DLGAP1: variants seen among roughly 807,000 people sequenced by gnomAD.
DLGAP1 encodes the protein disks large-associated protein 1.
DLGAP1 carries 11 observed loss-of-function variants against 90.8 expected under a neutral mutation model. That is an observed-to-expected ratio of 0.12 (90% CI 0.08 to 0.20). The LOEUF is 0.20. Among genes scored for constraint, DLGAP1 ranks in the 10% least tolerant of loss-of-function variants. The pLI is 1.00. For synonymous variants in DLGAP1, 558 were observed against 540.7 expected (o/e 1.03, Z -0.44); for missense variants, 1,050 against 1,333.8 (o/e 0.79, Z 3.31).
chr18:4,190,370 G>T (rs535414960), intron 1 of DLGAP1, among the ~76,000 whole-genome samples: 1 of 152,164 alleles, frequency 6.6e-6, no homozygotes, highest in Admixed American at 6.6e-5. Flanking sequence ...AGGTTCAGGG[G>T]AAAGGATAAA....
At chr18:4,062,403 T>C (rs1471298613) in intron 2 of DLGAP1, among the ~76,000 whole-genome samples, 1 of 152,150 alleles carries the variant, frequency 6.6e-6, no homozygotes, top group African/African-American at 2.4e-5. Context: ...GTGTACAGGG[T>C]ACCTGATTTG....
intron 1 of DLGAP1, among the ~76,000 whole-genome samples, chr18:4,333,145 C>G (rs1203090334): frequency 6.6e-6 from 1 of 151,972 alleles, no homozygotes; most frequent in African/African-American, 2.4e-5. Context: ...GCTCACGATT[C>G]TGCTGAGCAG....
intron 1 of DLGAP1, among the ~76,000 whole-genome samples, chr18:4,168,679 T>C (rs2076974159): frequency 6.6e-6 from 1 of 152,198 alleles, no homozygotes; most frequent in African/African-American, 2.4e-5. Context: ...TTTATTTCAC[T>C]CAGAACAATG....
At chr18:4,004,133 G>A (rs748925502) in intron 3 of DLGAP1, among the ~76,000 whole-genome samples, 20 of 152,094 alleles carry the variant, frequency 1.3e-4, no homozygotes, top group Admixed American at 2.0e-4. Context: ...AAATGTTGTC[G>A]TTTTGACTTC....
At chr18:3,900,172 A>T (rs2071750264) in intron 3 of DLGAP1, among the ~76,000 whole-genome samples, 3 of 152,184 alleles carry the variant, frequency 2.0e-5, no homozygotes, top group African/African-American at 7.2e-5. Flanking sequence ...TGTACTCTGT[A>T]CCCCAAAGCT....
intron 9 of DLGAP1, among the ~76,000 whole-genome samples, chr18:3,558,386 T>C (rs959396165): frequency 2.0e-5 from 3 of 151,992 alleles, no homozygotes; most frequent in African/African-American, 7.2e-5. Flanking sequence ...GCACGTGCTA[T>C]AACACCCGGC....
At chr18:3,627,445 T>A (rs924686065) in intron 7 of DLGAP1, among the ~76,000 whole-genome samples, 2 of 150,212 alleles carry the variant, frequency 1.3e-5, no homozygotes, top group Non-Finnish European at 3.0e-5. Context: ...TAGAGGAATG[T>A]TAGGCATATA....
At chr18:3,799,540 T>G (rs1428852409) in intron 5 of DLGAP1, among the ~76,000 whole-genome samples, 2 of 151,824 alleles carry the variant, frequency 1.3e-5, no homozygotes, top group Non-Finnish European at 2.9e-5. Context: ...AAAACATTGT[T>G]AATATTTTAA....
intron 3 of DLGAP1, among the ~76,000 whole-genome samples, chr18:3,936,140 C>A (rs1252193063): frequency 6.6e-6 from 1 of 152,158 alleles, no homozygotes; most frequent in Non-Finnish European, 1.5e-5. Flanking sequence ...CCACATCAGC[C>A]TCCTACTACT....
chr18:3,823,506 G>T (rs1180797792), intron 4 of DLGAP1, among the ~76,000 whole-genome samples: 1 of 152,178 alleles, frequency 6.6e-6, no homozygotes, highest in African/African-American at 2.4e-5. Flanking sequence ...CAGCTTGTCA[G>T]AATTGAAAGA....
At position 4,254,001 on chromosome 18, in the gene DLGAP1, C is replaced by T. The variant is rs551994035; in HGVS notation, c.-266-102714G>A. ...CCCATTCCTTTCTGAAATTTTCATGCTTCAGTGAAGTGTTTCCACCCCTTC... is the reference window on the plus strand; with the variant it reads ...CCCATTCCTTTCTGAAATTTTCATGTTTCAGTGAAGTGTTTCCACCCCTTC... On this transcript the variant is annotated intron_variant, in intron 1 of 12. Coordinates refer to ENST00000315677, the MANE Select transcript of DLGAP1 (RefSeq NM_004746.4). Among the ~76,000 whole-genome samples the T allele has an allele frequency of 1.6e-4, 24 of 152,290 alleles. No individual in the cohort carries two copies. In the East Asian group the frequency reaches 4.6e-3, roughly 29 times the overall value.
chr18:4,356,264 C>A (rs2144042906), intron 1 of DLGAP1, among the ~76,000 whole-genome samples: 1 of 152,178 alleles, frequency 6.6e-6, no homozygotes, highest in South Asian at 2.1e-4. Context: ...ATCCCGACCC[C>A]TAGGCTGAAA....
intron 1 of DLGAP1, among the ~76,000 whole-genome samples, chr18:4,261,333 C>T (rs145710245): frequency 5.9e-5 from 9 of 152,310 alleles, no homozygotes; most frequent in East Asian, 1.9e-4. Flanking sequence ...AGTGACCTGG[C>T]TTCCCCCATC....
chr18:4,436,299 G>T (rs2083397009), intron 1 of DLGAP1, among the ~76,000 whole-genome samples: 1 of 152,198 alleles, frequency 6.6e-6, no homozygotes, highest in African/African-American at 2.4e-5. Context: ...CCTGTCTGGA[G>T]ACAGGAACCT....
intron 3 of DLGAP1, among the ~76,000 whole-genome samples, chr18:3,942,371 CTG>C (rs1198288778): frequency 6.6e-6 from 1 of 152,228 alleles, no homozygotes; most frequent in Non-Finnish European, 1.5e-5. Flanking sequence ...AGGCAGGCGT[CTG>C]ACTGCACAGT....
At chr18:3,959,494 A>G (rs950400346) in intron 3 of DLGAP1, among the ~76,000 whole-genome samples, 1 of 151,826 alleles carries the variant, frequency 6.6e-6, no homozygotes, top group Non-Finnish European at 1.5e-5. Context: ...TGATGAAACC[A>G]TATCTCCCCT....
chr18:4,233,689 A>T (rs116624606), intron 1 of DLGAP1, among the ~76,000 whole-genome samples: 1 of 152,246 alleles, frequency 6.6e-6, no homozygotes, highest in South Asian at 2.1e-4. Flanking sequence ...TGGAGGGAGT[A>T]TTATCAAGGA....
chr18:3,741,841 C>CTTT (rs374274361), intron 6 of DLGAP1, among the ~76,000 whole-genome samples: 1 of 147,452 alleles, frequency 6.8e-6, no homozygotes, highest in Admixed American at 6.7e-5. Context: ...TTTTCTTTTT[C>CTTT]TTTTTCTTTT....
At chr18:3,587,475 G>A (rs1158711382) in intron 7 of DLGAP1, among the ~76,000 whole-genome samples, 2 of 152,116 alleles carry the variant, frequency 1.3e-5, no homozygotes, top group Non-Finnish European at 1.5e-5. Context: ...GATTGTAAAC[G>A]CACCAATCGG....
Sources: gnomAD v4.1 joint callset for allele counts (sites outside exome capture counted in the v4.1 genomes callset) on GRCh38, gnomAD v4.1.1 for gene constraint, MANE v1.5 for transcripts, NCBI Gene and HGNC (gene_info 2026-07-23, HGNC 2026-07-21) for gene names.